Variants in KCNH5 observed in about 807,000 individuals in gnomAD.
KCNH5 encodes the protein potassium voltage-gated channel subfamily H member 5.
In KCNH5, 46 loss-of-function variants were observed where a neutral mutation model predicts 96.1. The observed-to-expected ratio is 0.48, with a 90% CI of 0.38 to 0.61. The LOEUF (loss-of-function observed/expected upper bound fraction) is 0.61. Ranked by LOEUF, KCNH5 falls within the 20% of genes least tolerant of loss-of-function variation. KCNH5 has a pLI of 0.00. For synonymous variants in KCNH5, 439 were observed against 449.8 expected (o/e 0.98, Z 0.30); for missense variants, 907 against 1,225.8 (o/e 0.74, Z 3.88).
chr14:62,711,988 T>C (rs1470592823), intron 10 of KCNH5, among the ~76,000 whole-genome samples: 1 of 152,032 alleles, frequency 6.6e-6, no homozygotes, highest in East Asian at 1.9e-4. Context: ...AAGCCCTAGG[T>C]CCTGAAGTAG....
At chr14:62,745,289 C>T (rs117500830) in intron 10 of KCNH5, among the ~76,000 whole-genome samples, 1,932 of 152,190 alleles carry the variant, frequency 0.013, 17 homozygotes, top group Non-Finnish European at 0.017. Context: ...CCTGTGTTAT[C>T]CTAAACATAG....
chr14:63,045,208 C>A lies in KCNH5; in HGVS notation c.-22G>T, dbSNP rs761906798. On this transcript the variant is annotated 5_prime_UTR_variant, in exon 1 of 11. Coordinates refer to ENST00000322893, the MANE Select transcript of KCNH5 (RefSeq NM_139318.5). ...GCATCCTGGGTCTGGAGAGCAGCGG[C>A]CAGGATCCGCGGCGGGGGAGGGGGG... The A allele has an allele frequency of 6.2e-7, 1 of 1,603,824 alleles. No individual in the cohort carries two copies. The highest frequency in any genetic ancestry group is 1.1e-5 in the South Asian group (1 of 90,890).
chr14:62,988,792 C>CTT, intron 4 of KCNH5, among the ~76,000 whole-genome samples: 1 of 152,212 alleles, frequency 6.6e-6, no homozygotes, highest in South Asian at 2.1e-4. Context: ...TGAGACTTTT[C>CTT]TTTTGAATGC....
chr14:62,976,539 G>C (rs370800232), intron 6 of KCNH5, among the ~76,000 whole-genome samples: 57 of 152,142 alleles, frequency 3.7e-4, no homozygotes, highest in African/African-American at 1.2e-3. Context: ...TATCAAGACA[G>C]TAGTCATGCT....
intron 8 of KCNH5, among the ~76,000 whole-genome samples, chr14:62,846,545 T>C (rs1887694845): frequency 6.6e-6 from 1 of 151,820 alleles, no homozygotes; most frequent in Non-Finnish European, 1.5e-5. Context: ...TTTTCTGATA[T>C]TTATGTTAGG....
intron 10 of KCNH5, among the ~76,000 whole-genome samples, chr14:62,726,509 C>T (rs1884928111): frequency 6.6e-6 from 1 of 151,486 alleles, no homozygotes; most frequent in African/African-American, 2.4e-5. Context: ...TGCAAATAGC[C>T]ATTAAATATA....
intron 8 of KCNH5, among the ~76,000 whole-genome samples, chr14:62,821,908 T>C (rs974342715): frequency 6.6e-6 from 1 of 152,110 alleles, no homozygotes; most frequent in Admixed American, 6.6e-5. Flanking sequence ...TGGAGGTGAA[T>C]GTACTGATGG....
At chr14:62,733,553 T>C (rs1329370163) in intron 10 of KCNH5, among the ~76,000 whole-genome samples, 2 of 151,116 alleles carry the variant, frequency 1.3e-5, no homozygotes, top group East Asian at 3.9e-4. Flanking sequence ...AACGAAGACA[T>C]ATAGGTACTA....
chr14:63,000,544 AT>A (rs964935847), intron 4 of KCNH5, among the ~76,000 whole-genome samples: 2 of 152,210 alleles, frequency 1.3e-5, no homozygotes, highest in Non-Finnish European at 2.9e-5. Context: ...TGAAGACAAA[AT>A]TATTCTTTCC....
At chr14:62,842,876 C>A (rs888072607) in intron 8 of KCNH5, among the ~76,000 whole-genome samples, 1 of 152,016 alleles carries the variant, frequency 6.6e-6, no homozygotes, top group East Asian at 1.9e-4. Flanking sequence ...TATAAAATCC[C>A]TTAAATACAT....
chr14:63,032,807 T>G (rs1192237639), intron 1 of KCNH5, among the ~76,000 whole-genome samples: 1 of 152,180 alleles, frequency 6.6e-6, no homozygotes, highest in African/African-American at 2.4e-5. Flanking sequence ...GGCTGCATTA[T>G]TCTTTTCTTC....
chr14:62,721,035 G>A (rs1884802783), intron 10 of KCNH5, among the ~76,000 whole-genome samples: 1 of 152,202 alleles, frequency 6.6e-6, no homozygotes, highest in South Asian at 2.1e-4. Flanking sequence ...CAGGCATTCT[G>A]AGGTTCCCTC....
chr14:62,991,288 G>T (rs1319527243), intron 4 of KCNH5, among the ~76,000 whole-genome samples: 3 of 151,940 alleles, frequency 2.0e-5, no homozygotes, highest in Admixed American at 1.3e-4. Context: ...TTATATGAAG[G>T]AAGTCTTTTG....
intron 4 of KCNH5, among the ~76,000 whole-genome samples, chr14:62,990,228 T>C (rs1890784615): frequency 6.6e-6 from 1 of 152,082 alleles, no homozygotes; most frequent in Non-Finnish European, 1.5e-5. Flanking sequence ...GTATCATACA[T>C]GAAAATAAGT....
rs1280701756 is a variant in KCNH5 at position 62,764,906 on chromosome 14, C to T, written c.2019+14822G>A. ...CAAATGGAAAAACATTCTACACTCA[C>T]GGATAGGAAAAATCAATATTGTTAA... is the stretch of plus-strand genomic sequence containing the variant. On this transcript the variant is annotated intron_variant, in intron 10 of 10. Transcript: ENST00000322893. Among the ~76,000 whole-genome samples the T allele has an allele frequency of 3.3e-5, 5 of 152,018 alleles. No individual in the cohort carries two copies. The South Asian group carries it at 1.0e-3, about 31-fold the overall frequency.
chr14:63,010,818 C>CA (rs1381737842), intron 2 of KCNH5, among the ~76,000 whole-genome samples: 1 of 152,198 alleles, frequency 6.6e-6, no homozygotes, highest in Non-Finnish European at 1.5e-5. Flanking sequence ...TAACGATTGA[C>CA]AGACTTCCAA....
At chr14:62,725,452 A>T (rs2139918068) in intron 10 of KCNH5, among the ~76,000 whole-genome samples, 1 of 152,146 alleles carries the variant, frequency 6.6e-6, no homozygotes, top group South Asian at 2.1e-4. Context: ...CCCAGTTGAA[A>T]CTCCAGGGAG....
intron 10 of KCNH5, among the ~76,000 whole-genome samples, chr14:62,723,194 C>T (rs1884853013): frequency 6.6e-6 from 1 of 151,992 alleles, no homozygotes; most frequent in African/African-American, 2.4e-5. Flanking sequence ...AAGACAAGTC[C>T]AGCATGTGTA....
chr14:63,023,167 A>C (rs77856345), intron 1 of KCNH5, among the ~76,000 whole-genome samples: 7,222 of 151,836 alleles, frequency 0.048, 198 homozygotes, highest in East Asian at 0.062. Flanking sequence ...CATGCCACTG[A>C]ACTACAGCCT....
Sources: gnomAD v4.1 joint callset for allele counts (sites outside exome capture counted in the v4.1 genomes callset) on GRCh38, gnomAD v4.1.1 for gene constraint, MANE v1.5 for transcripts, NCBI Gene and HGNC (gene_info 2026-07-23, HGNC 2026-07-21) for gene names.